Variants in MTPN observed in about 807,000 individuals in gnomAD.
MTPN encodes the protein myotrophin, also known as granule cell differentiation protein.
MTPN carries 2 observed loss-of-function variants against 13.5 expected under a neutral mutation model. The observed-to-expected ratio is 0.15, with a 90% confidence interval of 0.06 to 0.47. The LOEUF (loss-of-function observed/expected upper bound fraction) is 0.47. Ranked by LOEUF, MTPN falls within the 20% of genes least tolerant of loss-of-function variation. MTPN has a pLI of 0.97. For synonymous variants in MTPN, 46 were observed against 51.7 expected, an observed-to-expected ratio of 0.89 and a Z score of 0.48; for missense variants, 79 against 137.9, an observed-to-expected ratio of 0.57 and a Z score of 2.14.
At position 135,951,531 on chromosome 7, in the gene MTPN, C is replaced by T; in HGVS notation, c.172G>A (p.Gly58Arg). The T allele has an allele frequency of 6.2e-7, 1 of 1,612,676 alleles. No individual in the cohort carries two copies. Reference sequence around the variant, plus strand: ...CCTCTACGTACATTAATATCTGCTCCTTTCAGCAGCAGAAATTCCAGGATT... The same window carrying T: ...CCTCTACGTACATTAATATCTGCTCTTTTCAGCAGCAGAAATTCCAGGATT... ...LEILEFLLLK[G>R]ADINAPDKHH... Residue 58 changes from glycine (G) to arginine (R), a missense_variant, in exon 2 of 4, where the codon GGA (glycine) becomes AGA (arginine). Transcript: ENST00000393085.
Position 135,927,166 on chromosome 7 carries a change from T to A in MTPN, c.*2760A>T. 1 of 825,240 alleles carries A rather than the reference T, an allele frequency of 1.2e-6. No individual in the cohort carries two copies. Among genetic ancestry groups the A allele is most frequent in the East Asian group, 2.8e-5 (1 of 35,274 alleles). 51.1% of individuals were successfully genotyped at this position (825,240 alleles called of 1,614,324 possible). ...AAAAAATCAAACAGATACATACAGA[T>A]TTAAAATCCAGTACTTGGGAAAAGA... On this transcript the variant is annotated 3_prime_UTR_variant, in exon 4 of 4. Transcript: ENST00000393085.
chr7:135,962,302 G>GA (rs955895114), intron 1 of MTPN, among the ~76,000 whole-genome samples: 24 of 148,378 alleles, frequency 1.6e-4, no homozygotes, highest in South Asian at 1.3e-3. Context: ...GTAAACATAA[G>GA]AAAAAAAAAT....
intron 3 of MTPN, among the ~76,000 whole-genome samples, chr7:135,940,531 T>G (rs13227137): frequency 6.6e-6 from 1 of 152,166 alleles, no homozygotes; most frequent in Admixed American, 6.5e-5. Context: ...TGTAACCACA[T>G]GTTTCTCACA....
intron 3 of MTPN, 44 bp from the exon 4 acceptor site, chr7:135,930,056 G>C (rs372583387): frequency 2.4e-5 from 37 of 1,532,082 alleles, no homozygotes; most frequent in African/African-American, 4.1e-5. Flanking sequence ...CCCACAACTG[G>C]GGGAAGGGAA....
chr7:135,962,669 G>C (rs1438440735), intron 1 of MTPN, among the ~76,000 whole-genome samples: 1 of 151,754 alleles, frequency 6.6e-6, no homozygotes, highest in East Asian at 1.9e-4. Context: ...TATGTTTTTA[G>C]AAGTTTCAGA....
intron 3 of MTPN, among the ~76,000 whole-genome samples, chr7:135,940,571 C>G (rs138711778): frequency 2.6e-4 from 39 of 152,296 alleles, no homozygotes; most frequent in African/African-American, 8.2e-4. Flanking sequence ...ATTGTTAACT[C>G]CATTTTGTAG....
intron 3 of MTPN, among the ~76,000 whole-genome samples, chr7:135,940,778 C>G (rs1193261037): frequency 6.6e-6 from 1 of 152,194 alleles, no homozygotes; most frequent in Non-Finnish European, 1.5e-5. Context: ...TTATTTGTAT[C>G]TTACAGAAAA....
At chr7:135,971,971 T>C (rs1225778145) in intron 1 of MTPN, among the ~76,000 whole-genome samples, 2 of 152,210 alleles carry the variant, frequency 1.3e-5, no homozygotes, top group Admixed American at 1.3e-4. Context: ...TCTTGAGTAA[T>C]GACAGTCTCT....
At position 135,961,226 on chromosome 7, in the gene MTPN, G is replaced by C. The variant is rs149006667; in HGVS notation, c.73-9596C>G. Among the ~76,000 whole-genome samples the C allele has an allele frequency of 4.3e-3, 658 of 152,120 alleles. 2 individuals carry two copies. Among genetic ancestry groups the C allele is most frequent in the African/African-American group, 0.015 (611 of 41,512 alleles). ...CTAACTTATAAATGATACATAACCA[G>C]AACAGGAACAGAAAGTTTTCTGAAC... On this transcript the variant is annotated intron_variant, in intron 1 of 3. Coordinates refer to ENST00000393085, the MANE Select transcript of MTPN (RefSeq NM_145808.4).
At chr7:135,944,382 T>C (rs1237042754) in intron 3 of MTPN, among the ~76,000 whole-genome samples, 2 of 152,080 alleles carry the variant, frequency 1.3e-5, no homozygotes, top group Non-Finnish European at 2.9e-5. Flanking sequence ...ATATTAGAAA[T>C]GTGCAACATG....
At chr7:135,943,589 T>C (rs1414644627) in intron 3 of MTPN, among the ~76,000 whole-genome samples, 1 of 152,234 alleles carries the variant, frequency 6.6e-6, no homozygotes, top group African/African-American at 2.4e-5. Flanking sequence ...ATAAAACATT[T>C]TGACTTCCTT....
At chr7:135,933,219 T>C (rs954407956) in intron 3 of MTPN, among the ~76,000 whole-genome samples, 1 of 152,104 alleles carries the variant, frequency 6.6e-6, no homozygotes, top group Non-Finnish European at 1.5e-5. Flanking sequence ...ATTATTTGCA[T>C]AGCTTTAAAT....
chr7:135,959,179 C>T (rs1799487665), intron 1 of MTPN, among the ~76,000 whole-genome samples: 1 of 152,062 alleles, frequency 6.6e-6, no homozygotes, highest in Admixed American at 6.6e-5. Context: ...TTGAAAGATA[C>T]ATATATCCTA....
Position 135,927,998 on chromosome 7 carries a change from C to G in MTPN, c.*1928G>C. 3.7e-6 allele frequency: 1 copy of G among 270,270 alleles called. No homozygotes were observed. Among genetic ancestry groups the G allele is most frequent in the Non-Finnish European group, 7.7e-6 (1 of 130,150 alleles). The allele number at this position is 270,270 out of a possible 1,614,324, so 16.7% of individuals were successfully genotyped here. Reference sequence around the variant, plus strand: ...ATAGCATTATGTCAAGAGGTGAAAACAAAGGTATCAAAACACCCTGTTGCA... The same window carrying G: ...ATAGCATTATGTCAAGAGGTGAAAAGAAAGGTATCAAAACACCCTGTTGCA... On this transcript the variant is annotated 3_prime_UTR_variant, in exon 4 of 4. Coordinates refer to ENST00000393085, the MANE Select transcript of MTPN (RefSeq NM_145808.4).
chr7:135,950,735 T>G, intron 2 of MTPN, 53 bp from the exon 3 acceptor site: 1 of 1,403,028 alleles, frequency 7.1e-7, no homozygotes, highest in South Asian at 1.2e-5. Flanking sequence ...TCTTCCTACT[T>G]TCTAGTTTTA....
rs549514616 is a variant in MTPN, at chr7:135,941,926, C to T, written c.270+8673G>A. Among the ~76,000 whole-genome samples, 10 of 149,902 alleles carry T rather than the reference C, an allele frequency of 6.7e-5. No homozygotes were observed. In the South Asian group the frequency reaches 1.9e-3, roughly 29 times the overall value. ...AGACGGGAGTTTCATTTTTGTTGCCCAGGCTGGAGTGCAATGGCATGATCT... is the reference window on the plus strand; with the variant it reads ...AGACGGGAGTTTCATTTTTGTTGCCTAGGCTGGAGTGCAATGGCATGATCT... On this transcript the variant is annotated intron_variant, in intron 3 of 3. Transcript: ENST00000393085.
At chr7:135,931,963 GCT>G (rs1799028171) in intron 3 of MTPN, among the ~76,000 whole-genome samples, 1 of 151,948 alleles carries the variant, frequency 6.6e-6, no homozygotes, top group African/African-American at 2.4e-5. Flanking sequence ...TTCTAATTCT[GCT>G]CTTTTACTTA....
At chr7:135,937,520 T>C (rs1278735346) in intron 3 of MTPN, among the ~76,000 whole-genome samples, 3 of 152,122 alleles carry the variant, frequency 2.0e-5, no homozygotes, top group Non-Finnish European at 4.4e-5. Flanking sequence ...ATCCCTTATA[T>C]AAAATGGCTT....
intron 1 of MTPN, among the ~76,000 whole-genome samples, chr7:135,971,121 A>G (rs1041436659): frequency 2.6e-5 from 4 of 152,176 alleles, no homozygotes; most frequent in Non-Finnish European, 5.9e-5. Flanking sequence ...ATCCTTTCAC[A>G]TGGTGCACAA....
Sources: allele counts gnomAD v4.1 joint callset (sites outside exome capture counted in the v4.1 genomes callset), GRCh38; gene constraint gnomAD v4.1.1; transcripts MANE v1.5; gene names NCBI Gene and HGNC (gene_info 2026-07-23, HGNC 2026-07-21).